CLXN: variants seen among roughly 807,000 people sequenced by gnomAD.
The protein encoded by CLXN is EF-hand calcium binding domain 1.
chr8:48,733,009 G>A, the CLXN span, among the ~76,000 whole-genome samples: 24 of 152,200 alleles, frequency 1.6e-4, no homozygotes, highest in South Asian at 2.1e-4. Context: ...AACAAGTTAC[G>A]GAGGTGGATG....
At chr8:48,717,205 A>G in the CLXN span, among the ~76,000 whole-genome samples, 2 of 152,154 alleles carry the variant, frequency 1.3e-5, no homozygotes, top group African/African-American at 4.8e-5. Flanking sequence ...AATAGGGTCA[A>G]CCCCAAGAAG....
chr8:48,719,842 T>C, the CLXN span, among the ~76,000 whole-genome samples: 1 of 152,192 alleles, frequency 6.6e-6, no homozygotes, highest in South Asian at 2.1e-4. Flanking sequence ...TCTGTAAAAC[T>C]TCTGGTAGAA....
At chr8:48,711,886 T>C in the CLXN span, 1 of 152,216 alleles carries the variant, frequency 6.6e-6, no homozygotes, top group African/African-American at 2.4e-5. Flanking sequence ...TAGTAAGTAA[T>C]GTTTACTTCT....
At chr8:48,718,443 T>C in the CLXN span, among the ~76,000 whole-genome samples, 2,037 of 152,140 alleles carry the variant, frequency 0.013, 53 homozygotes, top group African/African-American at 0.046. Flanking sequence ...AACAGATGAC[T>C]TGCGCAACAC....
chr8:48,712,418 C>G, the CLXN span: 1 of 152,340 alleles, frequency 6.6e-6, no homozygotes, highest in Non-Finnish European at 1.5e-5. Flanking sequence ...CCAGGGACCT[C>G]TGTGAGCCTA....
At chr8:48,722,523 AC>A in the CLXN span, among the ~76,000 whole-genome samples, 1 of 152,208 alleles carries the variant, frequency 6.6e-6, no homozygotes, top group Non-Finnish European at 1.5e-5. Flanking sequence ...TATGGAAACT[AC>A]CCAAATAACT....
chr8:48,719,163 G>A, the CLXN span, among the ~76,000 whole-genome samples: 1 of 151,914 alleles, frequency 6.6e-6, no homozygotes, highest in South Asian at 2.1e-4. Context: ...GCCCAAATTG[G>A]ATAACAGAAG....
the CLXN span, among the ~76,000 whole-genome samples, chr8:48,716,783 A>T: frequency 6.6e-6 from 1 of 152,140 alleles, no homozygotes; most frequent in South Asian, 2.1e-4. Flanking sequence ...AAAAAAAAAC[A>T]GTAAAAAAGA....
the CLXN span, among the ~76,000 whole-genome samples, chr8:48,713,356 T>A: frequency 6.6e-6 from 1 of 152,148 alleles, no homozygotes; most frequent in East Asian, 1.9e-4. Flanking sequence ...TTGCACTTGA[T>A]GAGAACTAAA....
chr8:48,713,325 C>A, the CLXN span, among the ~76,000 whole-genome samples: 2 of 152,256 alleles, frequency 1.3e-5, no homozygotes, highest in South Asian at 4.1e-4. Flanking sequence ...ATGTCTAATG[C>A]AATTCCCAAT....
chr8:48,723,384 A>T, the CLXN span: 1 of 152,244 alleles, frequency 6.6e-6, no homozygotes, highest in Admixed American at 6.5e-5. Context: ...TAAAATATAA[A>T]AAAAACTTGG....
At chr8:48,713,014 GAAAA>G in the CLXN span, among the ~76,000 whole-genome samples, 1 of 146,456 alleles carries the variant, frequency 6.8e-6, no homozygotes, top group Non-Finnish European at 1.5e-5. Context: ...AAAAAAGAAA[GAAAA>G]AGAAAAAAAC....
At chr8:48,716,653 C>T in the CLXN span, 2 of 151,746 alleles carry the variant, frequency 1.3e-5, no homozygotes, top group East Asian at 3.9e-4. Flanking sequence ...CTGGTAAGTA[C>T]AATGAATGAA....
the CLXN span, among the ~76,000 whole-genome samples, chr8:48,720,332 C>A: frequency 6.6e-6 from 1 of 152,098 alleles, no homozygotes; most frequent in Non-Finnish European, 1.5e-5. Flanking sequence ...AATGGACATG[C>A]AAGTAGGGAA....
the CLXN span, chr8:48,711,886 T>G: frequency 1.3e-5 from 2 of 152,216 alleles, no homozygotes. Context: ...TAGTAAGTAA[T>G]GTTTACTTCT....
At chr8:48,720,480 G>T in the CLXN span, among the ~76,000 whole-genome samples, 1 of 152,122 alleles carries the variant, frequency 6.6e-6, no homozygotes, top group African/African-American at 2.4e-5. Context: ...ATACACCCTG[G>T]TCTCCTGCAG....
At chr8:48,726,048 T>C in the CLXN span, among the ~76,000 whole-genome samples, 3 of 93,064 alleles carry the variant, frequency 3.2e-5, no homozygotes, top group South Asian at 4.0e-4. Flanking sequence ...CCCACCCACC[T>C]ACCTCGCCCA....
At chr8:48,722,553 A>T in the CLXN span, among the ~76,000 whole-genome samples, 1 of 152,220 alleles carries the variant, frequency 6.6e-6, no homozygotes, top group East Asian at 1.9e-4. Flanking sequence ...ATAAATGAAT[A>T]TATGAAATAC....
At chr8:48,729,984 T>C in the CLXN span, 6 of 930,024 alleles carry the variant, frequency 6.5e-6, no homozygotes, top group South Asian at 1.2e-4. Context: ...CAGGTCTTAG[T>C]GCAGCCTGAT....
Sources: allele counts gnomAD v4.1 joint callset (sites outside exome capture counted in the v4.1 genomes callset), GRCh38; gene constraint gnomAD v4.1.1; transcripts MANE v1.5; gene names NCBI Gene and HGNC (gene_info 2026-07-23, HGNC 2026-07-21).